The following EPB41L4A variants were observed in gnomAD, a reference collection of about 807,000 sequenced individuals.
EPB41L4A encodes erythrocyte membrane protein band 4.1 like 4A, also known as band 4.1-like protein 4A.
EPB41L4A carries 100 observed loss-of-function variants against 108.6 expected under a neutral mutation model. The ratio of observed to expected loss-of-function variants is 0.92; its 90% CI spans 0.78 to 1.09. EPB41L4A has a LOEUF of 1.09. EPB41L4A is among the 50% of genes least tolerant of loss of function. EPB41L4A has a pLI of 0.00. For synonymous variants in EPB41L4A, 319 were observed against 289.0 expected (o/e 1.10, Z -1.05); for missense variants, 1,030 against 842.7 (o/e 1.22, Z -2.75).
chr5:112,326,604 C>G (rs1396184559), intron 1 of EPB41L4A, among the ~76,000 whole-genome samples: 1 of 152,132 alleles, frequency 6.6e-6, no homozygotes, highest in East Asian at 1.9e-4. Context: ...GTGTCTTGTT[C>G]CAGTGCGCTG....
At chr5:112,174,777 G>A (rs952961127) in intron 18 of EPB41L4A, among the ~76,000 whole-genome samples, 3 of 150,922 alleles carry the variant, frequency 2.0e-5, no homozygotes, top group South Asian at 2.1e-4. Flanking sequence ...CTCTTTTTTT[G>A]TCCATCTTTA....
At chr5:112,214,868 G>A (rs1473559237) in intron 12 of EPB41L4A, among the ~76,000 whole-genome samples, 1 of 152,078 alleles carries the variant, frequency 6.6e-6, no homozygotes, top group Non-Finnish European at 1.5e-5. Context: ...AAGTTAAACA[G>A]TTGCTTTCTG....
At chr5:112,216,395 G>C (rs1305409082) in intron 12 of EPB41L4A, among the ~76,000 whole-genome samples, 1 of 152,166 alleles carries the variant, frequency 6.6e-6, no homozygotes, top group Non-Finnish European at 1.5e-5. Flanking sequence ...TTTTTAGAGT[G>C]AGGGTGAAGG....
chr5:112,247,781 T>C (rs962404006), intron 9 of EPB41L4A, among the ~76,000 whole-genome samples: 5 of 152,148 alleles, frequency 3.3e-5, no homozygotes, highest in African/African-American at 7.2e-5. Context: ...AAATAAAACA[T>C]AGTCTTCTCT....
intron 1 of EPB41L4A, among the ~76,000 whole-genome samples, chr5:112,325,912 G>A (rs563890841): frequency 6.6e-6 from 1 of 152,318 alleles, no homozygotes; most frequent in East Asian, 1.9e-4. Context: ...AGCAACTCAG[G>A]AGGCTAAGGT....
chr5:112,230,047 T>C (rs548651408), intron 12 of EPB41L4A, among the ~76,000 whole-genome samples: 133 of 151,926 alleles, frequency 8.8e-4, no homozygotes, highest in African/African-American at 3.0e-3. Flanking sequence ...ACGAATGCCA[T>C]TATTTTGTTC....
At chr5:112,348,467 C>T (rs758752060) in intron 1 of EPB41L4A, among the ~76,000 whole-genome samples, 1 of 152,062 alleles carries the variant, frequency 6.6e-6, no homozygotes, top group Non-Finnish European at 1.5e-5. Flanking sequence ...TTAGAAAGTT[C>T]GATTTTAAAA....
In EPB41L4A at chr5:112,209,955, G is replaced by A; in HGVS notation, c.1115C>T (p.Ala372Val). The change falls in exon 13 of 23, where the codon GCA (alanine) becomes GTA (valine). Residue 372 changes from alanine to valine, a missense_variant. Ala to Val is a moderately conservative substitution (Grantham distance 64). Transcript: ENST00000261486. ...AESNSISRIT[A>V]NMENGENEGT... The stretch of plus-strand genomic sequence containing the variant: ...TTCATTTTCTCCATTTTCCATGTTT[G>A]CAGTTATCCTACTGATGCTGTTTGA... The A allele has an allele frequency of 6.2e-7, 1 of 1,604,934 alleles. No homozygotes were observed. Among genetic ancestry groups the A allele is most frequent in the Non-Finnish European group, 8.5e-7 (1 of 1,172,876 alleles).
chr5:112,187,310 C>T (rs898663530), intron 17 of EPB41L4A, among the ~76,000 whole-genome samples: 1 of 152,180 alleles, frequency 6.6e-6, no homozygotes, highest in African/African-American at 2.4e-5. Flanking sequence ...ATTTCTCCAT[C>T]TGTAACTATG....
Position 112,310,267 on chromosome 5 carries a change from C to G in EPB41L4A, c.100-2777G>C, listed in dbSNP as rs538259648. The stretch of plus-strand genomic sequence containing the variant: ...GCATTGGAAAGCCAACTAATATTCC[C>G]TATCGGTCTTATTCCCAGCCGTCTT... On this transcript the variant is annotated intron_variant, in intron 1 of 22. Coordinates refer to ENST00000261486, the MANE Select transcript of EPB41L4A (RefSeq NM_022140.5). 3.3e-5 allele frequency among the ~76,000 whole-genome samples: 5 copies of G among 152,334 alleles called. No individual in the cohort carries two copies. The South Asian group carries it at 1.0e-3, about 32-fold the overall frequency.
At chr5:112,287,386 C>T (rs892858944) in intron 2 of EPB41L4A, among the ~76,000 whole-genome samples, 1 of 152,218 alleles carries the variant, frequency 6.6e-6, no homozygotes, top group African/African-American at 2.4e-5. Flanking sequence ...ATCTGCAAAT[C>T]TTGTTGGCTC....
At chr5:112,292,097 A>G (rs1255418547) in intron 2 of EPB41L4A, among the ~76,000 whole-genome samples, 2 of 152,178 alleles carry the variant, frequency 1.3e-5, no homozygotes, top group African/African-American at 4.8e-5. Flanking sequence ...ATATTTGAGT[A>G]TCTTTTTATG....
At chr5:112,235,822 C>A (rs1749289708) in intron 11 of EPB41L4A, among the ~76,000 whole-genome samples, 1 of 152,154 alleles carries the variant, frequency 6.6e-6, no homozygotes, top group Non-Finnish European at 1.5e-5. Context: ...TGCCAGGGCG[C>A]ATCCATGATT....
rs745616402 is a variant in EPB41L4A at position 112,163,982 on chromosome 5, C to T, written c.*1008G>A. 1.3e-5 allele frequency: 2 copies of T among 152,138 alleles called. No individual in the cohort carries two copies. The highest frequency in any genetic ancestry group is 2.9e-5 in the Non-Finnish European group (2 of 68,060). 9.4% of individuals were successfully genotyped at this position (152,138 alleles called of 1,614,324 possible). On this transcript the variant is annotated 3_prime_UTR_variant, in exon 23 of 23. Coordinates refer to ENST00000261486, the MANE Select transcript of EPB41L4A (RefSeq NM_022140.5). ...TGGTAAGGGGGAGATATAAGATGTC[C>T]TGCATAAGTATTTTCCCTGTAGATT...
Position 112,419,035 on chromosome 5 carries a change from C to A in EPB41L4A, c.5G>T (p.Gly2Val), listed in dbSNP as rs200648466. 6.2e-7 allele frequency: 1 copy of A among 1,612,912 alleles called. No homozygotes were observed. The highest frequency in any genetic ancestry group is 2.2e-5 in the East Asian group (1 of 44,772). MGCFCAVPEEFY... is the reference protein window; with the variant it reads MVCFCAVPEEFY... ...TTCTTCCGGAACAGCGCAGAAACAG[C>A]CCATGTCGGTTGTGGTCGTCTCCAG... The change falls in exon 1 of 23, where the codon GGC becomes GTC. Residue 2 changes from glycine to valine, a missense_variant. Gly to Val is a moderately radical substitution (Grantham distance 109). Transcript: ENST00000261486.
intron 18 of EPB41L4A, among the ~76,000 whole-genome samples, chr5:112,177,928 T>A (rs1760951768): frequency 1.3e-5 from 2 of 150,896 alleles, no homozygotes; most frequent in South Asian, 4.2e-4. Context: ...ACAGGCGTAA[T>A]AAACCAGAAA....
At chr5:112,342,782 A>G (rs1397449960) in intron 1 of EPB41L4A, among the ~76,000 whole-genome samples, 1 of 152,176 alleles carries the variant, frequency 6.6e-6, no homozygotes, top group Non-Finnish European at 1.5e-5. Context: ...TGGCATACAA[A>G]GTAAGAAAAT....
chr5:112,252,036 T>C (rs975508760), intron 9 of EPB41L4A, among the ~76,000 whole-genome samples: 6 of 141,854 alleles, frequency 4.2e-5, no homozygotes, highest in Admixed American at 2.2e-4. Context: ...TGTTACAGAA[T>C]TGAGCAAATG....
chr5:112,349,957 G>A (rs17271934), intron 1 of EPB41L4A, among the ~76,000 whole-genome samples: 19,498 of 152,196 alleles, frequency 0.13, 1,385 homozygotes, highest in Non-Finnish European at 0.15. Flanking sequence ...AAAGATCATA[G>A]GGGCGAAGAC....
Sources: allele counts gnomAD v4.1 joint callset (sites outside exome capture counted in the v4.1 genomes callset), GRCh38; gene constraint gnomAD v4.1.1; transcripts MANE v1.5; gene names NCBI Gene and HGNC (gene_info 2026-07-23, HGNC 2026-07-21).